The following HERC3 variants were observed in gnomAD, a reference collection of about 807,000 sequenced individuals.
The protein encoded by HERC3 is HECT and RLD domain containing E3 ubiquitin protein ligase 3.
In HERC3, 58 loss-of-function variants were observed where a neutral mutation model predicts 129.9. The ratio of observed to expected loss-of-function variants is 0.45; its 90% CI spans 0.36 to 0.56. The LOEUF (loss-of-function observed/expected upper bound fraction) is 0.56, where lower values mean the gene tolerates loss of function less well. HERC3 is among the 20% of genes least tolerant of loss of function. HERC3 has a pLI of 0.00. For missense variants in HERC3, 835 were observed against 1,244.2 expected (o/e 0.67, Z 4.95); for synonymous variants, 430 against 451.0 (o/e 0.95, Z 0.59).
chr4:88,658,512 CT>C, intron 10 of HERC3, 21 bp downstream of exon 10: 2 of 1,371,644 alleles, frequency 1.5e-6, no homozygotes, highest in African/African-American at 1.4e-5. Context: ...TCTTGTGACT[CT>C]TATTTCCAGG....
At chr4:88,690,244 C>T (rs1733936669) in intron 23 of HERC3, 1 of 978,458 alleles carries the variant, frequency 1.0e-6, no homozygotes, top group Non-Finnish European at 1.2e-6. Flanking sequence ...TGTTTATTTC[C>T]TTAATAAGAC....
chr4:88,537,083 CAA>C, the HERC3 span, among the ~76,000 whole-genome samples: 1 of 152,086 alleles, frequency 6.6e-6, no homozygotes, highest in Non-Finnish European at 1.5e-5. Flanking sequence ...AAAACCAAAA[CAA>C]AATATATTCT....
At chr4:88,579,686 A>G in the HERC3 span, among the ~76,000 whole-genome samples, 3 of 152,148 alleles carry the variant, frequency 2.0e-5, no homozygotes, top group Non-Finnish European at 4.4e-5. Context: ...TGAATAATCT[A>G]TCCCCCTCTG....
At chr4:88,603,544 A>G (rs17737045) in intron 2 of HERC3, among the ~76,000 whole-genome samples, 24,470 of 152,112 alleles carry the variant, frequency 0.16, 2,144 homozygotes, top group East Asian at 0.22. Context: ...AAATAGGAGC[A>G]TCTACTGTTT....
intron 3 of HERC3, among the ~76,000 whole-genome samples, chr4:88,631,269 A>G (rs1328118812): frequency 6.6e-6 from 1 of 152,076 alleles, no homozygotes; most frequent in East Asian, 1.9e-4. Flanking sequence ...AGCCTGGCCA[A>G]CATGGTGAAA....
In HERC3 at chr4:88,685,267, AT is replaced by A. The variant is rs374901354; in HGVS notation, c.2508-1468del. ...GGGTATATATCCAAAGGATTTATAA[AT>A]CATTCTACTGTAAAGACACATGCAC... is the stretch of plus-strand genomic sequence containing the variant. On this transcript the variant is annotated intron_variant, in intron 21 of 25. Coordinates refer to ENST00000402738, the MANE Select transcript of HERC3 (RefSeq NM_014606.3). Among the ~76,000 whole-genome samples the A allele has an allele frequency of 6.8e-3, 1,035 of 152,344 alleles. 9 individuals carry two copies. Among genetic ancestry groups the A allele is most frequent in the African/African-American group, 0.024 (995 of 41,574 alleles).
At chr4:88,601,305 C>T (rs944935928) in intron 2 of HERC3, among the ~76,000 whole-genome samples, 1 of 152,142 alleles carries the variant, frequency 6.6e-6, no homozygotes, top group Non-Finnish European at 1.5e-5. Context: ...TTGGTATATA[C>T]CAATTAAGGC....
chr4:88,700,551 C>CA (rs1257111772), intron 23 of HERC3, among the ~76,000 whole-genome samples: 2 of 152,156 alleles, frequency 1.3e-5, no homozygotes, highest in African/African-American at 4.8e-5. Context: ...TCAAGCTCCT[C>CA]AAAACTCTTT....
intron 21 of HERC3, among the ~76,000 whole-genome samples, chr4:88,686,430 C>G (rs1279668742): frequency 6.6e-6 from 1 of 152,154 alleles, no homozygotes; most frequent in Non-Finnish European, 1.5e-5. Context: ...CACACACTTG[C>G]AAGCTACACC....
upstream of HERC3, among the ~76,000 whole-genome samples, chr4:88,590,211 T>C (rs1441195627): frequency 6.7e-6 from 1 of 149,734 alleles, no homozygotes; most frequent in South Asian, 2.1e-4. Context: ...GATGTTGCAG[T>C]GAGCAGAGAT....
In HERC3 at chr4:88,653,155, G is replaced by A. The variant is rs533642885; in HGVS notation, c.685+65G>A. ...CACATTCATTTAACACATGCTTCTT[G>A]AGGATCTACTATGTGCTAGCCCCAT... On this transcript the variant is annotated intron_variant, in intron 6 of 25. Transcript: ENST00000402738. 4.0e-5 allele frequency: 59 copies of A among 1,477,712 alleles called. No individual in the cohort carries two copies. The African/African-American group carries it at 5.2e-4, about 13-fold the overall frequency. 91.5% of individuals were successfully genotyped at this position (1,477,712 alleles called of 1,614,324 possible). A position where few individuals can be genotyped will look rare whatever the true frequency, so the allele number is the denominator to read the frequency against.
chr4:88,608,801 G>C (rs1723960109), intron 3 of HERC3, among the ~76,000 whole-genome samples: 1 of 152,188 alleles, frequency 6.6e-6, no homozygotes, highest in African/African-American at 2.4e-5. Context: ...TGGCCCAACA[G>C]TCTACATTCA....
chr4:88,542,181 T>C, the HERC3 span, among the ~76,000 whole-genome samples: 2 of 151,612 alleles, frequency 1.3e-5, no homozygotes, highest in Admixed American at 1.3e-4. Context: ...ATCAGCAAAA[T>C]AGATAGACAT....
chr4:88,685,136 A>G (rs1267832082), intron 21 of HERC3, among the ~76,000 whole-genome samples: 1 of 152,218 alleles, frequency 6.6e-6, no homozygotes, highest in Non-Finnish European at 1.5e-5. Context: ...ATGCTTTTAC[A>G]CTGTTGGTGG....
chr4:88,615,914 A>G (rs1042960128), intron 3 of HERC3, among the ~76,000 whole-genome samples: 2 of 152,190 alleles, frequency 1.3e-5, no homozygotes, highest in Admixed American at 1.3e-4. Context: ...GACACTTTTC[A>G]TTACAATTGT....
chr4:88,576,417 C>G, the HERC3 span, among the ~76,000 whole-genome samples: 1 of 152,186 alleles, frequency 6.6e-6, no homozygotes, highest in African/African-American at 2.4e-5. Flanking sequence ...ACCCCTTCTG[C>G]CCACTCTGCT....
chr4:88,625,493 T>G (rs1033577336), intron 3 of HERC3, among the ~76,000 whole-genome samples: 2 of 152,224 alleles, frequency 1.3e-5, no homozygotes, highest in African/African-American at 4.8e-5. Context: ...TGTTAGTATT[T>G]AGAAATATGA....
At chr4:88,598,966 T>G (rs1332600836) in intron 2 of HERC3, among the ~76,000 whole-genome samples, 1 of 152,042 alleles carries the variant, frequency 6.6e-6, no homozygotes, top group Non-Finnish European at 1.5e-5. Flanking sequence ...CTGAGGGAAG[T>G]GTAGTCCTAT....
intron 4 of HERC3, among the ~76,000 whole-genome samples, chr4:88,650,506 A>T (rs1578242099): frequency 6.6e-6 from 1 of 152,238 alleles, no homozygotes; most frequent in East Asian, 1.9e-4. Context: ...ACTTAAATCT[A>T]AACCTTAGAT....
Sources: gnomAD v4.1 joint callset for allele counts (sites outside exome capture counted in the v4.1 genomes callset) on GRCh38, gnomAD v4.1.1 for gene constraint, MANE v1.5 for transcripts, NCBI Gene and HGNC (gene_info 2026-07-23, HGNC 2026-07-21) for gene names.